Variants in ATP8B4 observed in about 807,000 individuals in gnomAD.
ATP8B4 encodes the protein ATPase phospholipid transporting 8B4 (putative).
In ATP8B4, 133 loss-of-function variants were observed where a neutral mutation model predicts 145.6. That is an observed-to-expected ratio of 0.91 (90% confidence interval 0.79 to 1.05). ATP8B4 has a LOEUF of 1.05. ATP8B4 is among the 50% of genes least tolerant of loss of function. The pLI is 0.00. For missense variants in ATP8B4, 1,458 were observed against 1,425.2 expected, an observed-to-expected ratio of 1.02 and a Z score of -0.37; for synonymous variants, 507 against 492.9, an observed-to-expected ratio of 1.03 and a Z score of -0.38.
chr15:50,030,505 A>G (rs951213515), intron 6 of ATP8B4, among the ~76,000 whole-genome samples: 1 of 152,178 alleles, frequency 6.6e-6, no homozygotes, highest in Admixed American at 6.5e-5. Context: ...CACTGAGCAC[A>G]GAATGGGGGA....
intron 2 of ATP8B4, among the ~76,000 whole-genome samples, chr15:50,087,137 ATATT>A (rs1450286307): frequency 1.0e-4 from 13 of 126,890 alleles, no homozygotes; most frequent in South Asian, 9.4e-4. Context: ...ATATAGATCT[ATATT>A]TATTATATAT....
intron 8 of ATP8B4, among the ~76,000 whole-genome samples, chr15:49,997,019 CA>C (rs2047486533): frequency 6.6e-6 from 1 of 152,084 alleles, no homozygotes; most frequent in Admixed American, 6.6e-5. Flanking sequence ...GAACAGAGGA[CA>C]TAACAAATAT....
intron 1 of ATP8B4, among the ~76,000 whole-genome samples, chr15:50,162,140 T>C (rs2044529708): frequency 6.6e-6 from 1 of 152,130 alleles, no homozygotes; most frequent in East Asian, 1.9e-4. Context: ...ACCAGATGTA[T>C]TGGAGCTTTC....
At chr15:50,035,649 T>G (rs1367086215) in intron 6 of ATP8B4, among the ~76,000 whole-genome samples, 1 of 152,106 alleles carries the variant, frequency 6.6e-6, no homozygotes, top group Non-Finnish European at 1.5e-5. Context: ...TGAATCTGAA[T>G]GTAGCCACCC....
In ATP8B4 at chr15:50,107,022, G is replaced by A; in HGVS notation, c.-42-14C>T. 2.0e-6 allele frequency: 3 copies of A among 1,497,606 alleles called. No individual in the cohort carries two copies. The South Asian group carries it at 4.0e-5, about 20-fold the overall frequency. 92.8% of individuals were successfully genotyped at this position (1,497,606 alleles called of 1,614,324 possible). ...CAGGTGGCCTACCTAAGAAAAAGAA[G>A]TATGCATATTAGTATCTGAAAAATG... is the stretch of plus-strand genomic sequence containing the variant. On this transcript the variant is annotated splice_polypyrimidine_tract_variant and intron_variant, in intron 1 of 27. Transcript: ENST00000284509.
chr15:49,954,355 G>A (rs1241407006), intron 14 of ATP8B4, among the ~76,000 whole-genome samples: 3 of 152,140 alleles, frequency 2.0e-5, no homozygotes, highest in Non-Finnish European at 4.4e-5. Context: ...ACACTAAAGA[G>A]CTTCTGCACA....
At chr15:49,902,807 T>A (rs1488232467) in intron 20 of ATP8B4, among the ~76,000 whole-genome samples, 1 of 152,158 alleles carries the variant, frequency 6.6e-6, no homozygotes, top group East Asian at 1.9e-4. Flanking sequence ...AATGAACATT[T>A]CTCTGACAAT....
chr15:49,868,831 T>C (rs2033226632), intron 25 of ATP8B4, among the ~76,000 whole-genome samples: 4 of 152,210 alleles, frequency 2.6e-5, no homozygotes, highest in Admixed American at 2.6e-4. Context: ...TATGGAAATA[T>C]ATATATTTAA....
intron 3 of ATP8B4, among the ~76,000 whole-genome samples, chr15:50,064,642 A>G (rs537183916): frequency 5.3e-5 from 8 of 152,128 alleles, no homozygotes; most frequent in African/African-American, 1.7e-4. Flanking sequence ...CAAATTGTAT[A>G]CTTGATGTAT....
At chr15:50,106,502 T>C (rs1160809081) in intron 2 of ATP8B4, among the ~76,000 whole-genome samples, 3 of 152,366 alleles carry the variant, frequency 2.0e-5, no homozygotes, top group Non-Finnish European at 4.4e-5. Context: ...GTTGGTGTGT[T>C]CACACAATGG....
At chr15:50,110,203 G>A (rs2056871988) in intron 1 of ATP8B4, among the ~76,000 whole-genome samples, 1 of 152,070 alleles carries the variant, frequency 6.6e-6, no homozygotes, top group African/African-American at 2.4e-5. Flanking sequence ...AATGATCCTA[G>A]TCAAGTGTTG....
chr15:50,054,802 A>AAC (rs2052473165), intron 3 of ATP8B4, among the ~76,000 whole-genome samples: 1 of 138,086 alleles, frequency 7.2e-6, no homozygotes, highest in Non-Finnish European at 1.5e-5. Context: ...AAAAAAAAAA[A>AAC]AAAAAAACAA....
chr15:50,080,340 C>T (rs977623158), intron 2 of ATP8B4, among the ~76,000 whole-genome samples: 1 of 152,114 alleles, frequency 6.6e-6, no homozygotes, highest in African/African-American at 2.4e-5. Context: ...TATTAGGGAA[C>T]ATTTATCAAA....
At chr15:50,062,226 G>A (rs2053078242) in intron 3 of ATP8B4, among the ~76,000 whole-genome samples, 1 of 152,124 alleles carries the variant, frequency 6.6e-6, no homozygotes, top group South Asian at 2.1e-4. Flanking sequence ...CAGTTTCTAA[G>A]GGATGGCTTA....
intron 6 of ATP8B4, among the ~76,000 whole-genome samples, chr15:50,036,493 C>G (rs1038217205): frequency 6.6e-6 from 1 of 152,120 alleles, no homozygotes; most frequent in Non-Finnish European, 1.5e-5. Flanking sequence ...TGGGCAGAAC[C>G]CCAACAGCAT....
intron 2 of ATP8B4, among the ~76,000 whole-genome samples, chr15:50,106,265 A>G (rs1489683420): frequency 6.6e-6 from 1 of 152,244 alleles, no homozygotes; most frequent in African/African-American, 2.4e-5. Flanking sequence ...ACACACGTCC[A>G]CTGAAGGAAA....
intron 2 of ATP8B4, among the ~76,000 whole-genome samples, chr15:50,081,806 C>T (rs185203431): frequency 6.6e-6 from 1 of 152,364 alleles, no homozygotes; most frequent in East Asian, 1.9e-4. Context: ...CTTTAATTAA[C>T]TCCAGAGCAT....
rs767774177 is a variant in ATP8B4, at chr15:49,897,364, A to G, written c.2625T>C (p.Tyr875=). Residue 875 remains tyrosine (Y), a synonymous_variant, in exon 23 of 28, where the codon TAT becomes TAC. Coordinates refer to ENST00000284509, the MANE Select transcript of ATP8B4 (RefSeq NM_024837.4). ...SYFRMCKFLC[Y]FFYKNFAFTL... is the part of the protein sequence containing the mutation. The stretch of plus-strand genomic sequence containing the variant: ...TAAATGCAAAATTCTTATAGAAGAA[A>G]TAGCATAAGAATTTGCACATTCGGA... The G allele has an allele frequency of 4.3e-6, 7 of 1,613,868 alleles. No homozygotes were observed. The highest frequency in any genetic ancestry group is 5.9e-6 in the Non-Finnish European group (7 of 1,179,896).
intron 19 of ATP8B4, chr15:49,917,362 C>T: frequency 4.3e-6 from 1 of 230,636 alleles, no homozygotes; most frequent in Non-Finnish European, 8.4e-6. Flanking sequence ...ATAATATGTA[C>T]AAATATAAAA....
Sources: gnomAD v4.1 joint callset for allele counts (sites outside exome capture counted in the v4.1 genomes callset) on GRCh38, gnomAD v4.1.1 for gene constraint, MANE v1.5 for transcripts, NCBI Gene and HGNC (gene_info 2026-07-23, HGNC 2026-07-21) for gene names.